The following AFF3 variants were observed in gnomAD, a reference collection of about 807,000 sequenced individuals.
AFF3 encodes the protein AF4/FMR2 family member 3.
Under a neutral mutation model 129.7 loss-of-function variants are expected in AFF3, and 32 were observed. The observed-to-expected ratio is 0.25, with a 90% CI of 0.19 to 0.33. The LOEUF (loss-of-function observed/expected upper bound fraction) is 0.33. Among genes scored for constraint, AFF3 ranks in the 10% least tolerant of loss-of-function variants. AFF3 has a pLI of 1.00. For synonymous variants in AFF3, 644 were observed against 635.4 expected, an observed-to-expected ratio of 1.01 and a Z score of -0.20; for missense variants, 1,373 against 1,592.0, an observed-to-expected ratio of 0.86 and a Z score of 2.34.
intron 15 of AFF3, among the ~76,000 whole-genome samples, chr2:99,588,817 C>T (rs1397728501): frequency 6.6e-6 from 1 of 152,194 alleles, no homozygotes; most frequent in African/African-American, 2.4e-5. Context: ...GGTCCCATCT[C>T]CAGCACCCAG....
chr2:99,578,564 G>T, intron 17 of AFF3, 113 bp from the exon 18 acceptor site: 1 of 1,461,376 alleles, frequency 6.8e-7, no homozygotes, highest in Non-Finnish European at 9.2e-7. Flanking sequence ...ATCTTTGTGT[G>T]CTGTATTAGA....
intron 11 of AFF3, among the ~76,000 whole-genome samples, chr2:99,685,699 G>A (rs756983255): frequency 6.6e-6 from 1 of 152,170 alleles, no homozygotes; most frequent in Non-Finnish European, 1.5e-5. Context: ...AAAAATTCCT[G>A]TGAAAAACTC....
intron 7 of AFF3, among the ~76,000 whole-genome samples, chr2:99,991,920 CAAAAAA>C (rs1243422138): frequency 6.9e-6 from 1 of 144,166 alleles, no homozygotes; most frequent in Admixed American, 6.8e-5. Context: ...AAAACAAAAA[CAAAAAA>C]ACCCAAAAAA....
At chr2:99,659,998 A>G (rs1407975836) in intron 12 of AFF3, among the ~76,000 whole-genome samples, 1 of 152,184 alleles carries the variant, frequency 6.6e-6, no homozygotes, top group African/African-American at 2.4e-5. Flanking sequence ...TGCAGGCCAG[A>G]CCTTGAGCAA....
intron 7 of AFF3, among the ~76,000 whole-genome samples, chr2:99,980,624 G>A (rs965716688): frequency 6.6e-6 from 1 of 152,022 alleles, no homozygotes; most frequent in African/African-American, 2.4e-5. Flanking sequence ...GTGCTCCCTG[G>A]GCAGTTATTA....
At chr2:99,779,804 C>G (rs1273204163) in intron 8 of AFF3, among the ~76,000 whole-genome samples, 1 of 152,076 alleles carries the variant, frequency 6.6e-6, no homozygotes, top group Non-Finnish European at 1.5e-5. Context: ...TATTATTAGT[C>G]TTCATTTTAC....
In AFF3 at chr2:99,960,249, C is replaced by A. The variant is rs142466874; in HGVS notation, c.873+46383G>T. Among the ~76,000 whole-genome samples the A allele has an allele frequency of 3.2e-3, 488 of 152,210 alleles. 2 individuals carry two copies. Among genetic ancestry groups the A allele is most frequent in the Admixed American group, 5.8e-3 (89 of 15,286 alleles). On this transcript the variant is annotated intron_variant, in intron 7 of 24. Coordinates refer to ENST00000672756, the MANE Select transcript of AFF3 (RefSeq NM_001386135.1). ...CTTTGATGGGCACTAGTGTTAACAT[C>A]TGAGTAATTACTCCCCCAGAACTCA...
At chr2:99,817,439 G>C (rs1476089971) in intron 8 of AFF3, among the ~76,000 whole-genome samples, 1 of 152,148 alleles carries the variant, frequency 6.6e-6, no homozygotes, top group Non-Finnish European at 1.5e-5. Context: ...TGCTATTTCA[G>C]ATCTCCCAAA....
intron 4 of AFF3, among the ~76,000 whole-genome samples, chr2:100,074,116 T>C (rs1038501615): frequency 6.6e-5 from 10 of 152,192 alleles, no homozygotes; most frequent in Admixed American, 5.9e-4. Flanking sequence ...CTTGGTTTCC[T>C]TGTGTGCATC....
At chr2:100,012,229 C>T (rs1682616423) in intron 4 of AFF3, among the ~76,000 whole-genome samples, 1 of 152,134 alleles carries the variant, frequency 6.6e-6, no homozygotes, top group Non-Finnish European at 1.5e-5. Context: ...TGGCAACGTC[C>T]CCACTTCTTC....
At chr2:100,011,615 C>G in intron 4 of AFF3, 1 of 779,840 alleles carries the variant, frequency 1.3e-6, no homozygotes. Flanking sequence ...ACACTTTAAA[C>G]CTGATTAGCC....
At chr2:100,025,132 C>T (rs1341103804) in intron 4 of AFF3, among the ~76,000 whole-genome samples, 1 of 152,004 alleles carries the variant, frequency 6.6e-6, no homozygotes, top group East Asian at 1.9e-4. Context: ...TACCAGGATC[C>T]TGGCTTTCCC....
In AFF3 at chr2:99,550,498, A is replaced by C; in HGVS notation, c.*976T>G. The C allele has an allele frequency of 4.3e-6, 1 of 231,616 alleles. No individual in the cohort carries two copies. Among genetic ancestry groups the C allele is most frequent in the Non-Finnish European group, 8.5e-6 (1 of 116,996 alleles). 14.3% of individuals were successfully genotyped at this position (231,616 alleles called of 1,614,324 possible). On this transcript the variant is annotated 3_prime_UTR_variant, in exon 25 of 25. Transcript: ENST00000672756. ...AGGTAATGGCCTCATTTAGCCAAGA[A>C]AATCTGTAAGAAAGCTATTGGTGGA...
intron 13 of AFF3, among the ~76,000 whole-genome samples, chr2:99,626,484 T>TCC (rs1682589239): frequency 3.3e-5 from 2 of 59,718 alleles, no homozygotes; most frequent in African/African-American, 9.4e-5. Flanking sequence ...TCCCTCTCCT[T>TCC]CTCTTCCCCT....
At chr2:99,913,206 T>A (rs79795063) in intron 7 of AFF3, among the ~76,000 whole-genome samples, 1,831 of 152,338 alleles carry the variant, frequency 0.012, 42 homozygotes, top group African/African-American at 0.042. Context: ...AAAGAATTAT[T>A]TTAAACAAAT....
intron 15 of AFF3, among the ~76,000 whole-genome samples, chr2:99,587,974 C>A (rs1678298147): frequency 6.7e-6 from 1 of 149,546 alleles, no homozygotes; most frequent in African/African-American, 2.5e-5. Flanking sequence ...CACGCCACTG[C>A]ACTCCAGCCT....
intron 7 of AFF3, among the ~76,000 whole-genome samples, chr2:99,998,131 G>A (rs1681026725): frequency 6.6e-6 from 1 of 152,226 alleles, no homozygotes; most frequent in African/African-American, 2.4e-5. Flanking sequence ...ATGACCCTGT[G>A]TGAGGTACTG....
At chr2:99,791,817 T>C (rs1046425852) in intron 8 of AFF3, among the ~76,000 whole-genome samples, 4 of 152,084 alleles carry the variant, frequency 2.6e-5, no homozygotes, top group Non-Finnish European at 5.9e-5. Context: ...TTTTGCAATT[T>C]TGTGTTTTTC....
intron 7 of AFF3, among the ~76,000 whole-genome samples, chr2:99,848,346 T>C (rs556876118): frequency 4.1e-4 from 63 of 152,346 alleles, no homozygotes; most frequent in Non-Finnish European, 8.5e-4. Context: ...GGCATGATTC[T>C]ATCTGGACAG....
Sources: allele counts gnomAD v4.1 joint callset (sites outside exome capture counted in the v4.1 genomes callset), GRCh38; gene constraint gnomAD v4.1.1; transcripts MANE v1.5; gene names NCBI Gene and HGNC (gene_info 2026-07-23, HGNC 2026-07-21).